Variants in ZEB2 observed in about 807,000 individuals in gnomAD.
ZEB2 encodes zinc finger E-box binding homeobox 2, also known as zinc finger E-box-binding homeobox 2.
ZEB2 carries 6 observed loss-of-function variants against 99.9 expected under a neutral mutation model. That is an observed-to-expected ratio of 0.06 (90% confidence interval 0.03 to 0.12). The LOEUF (loss-of-function observed/expected upper bound fraction) is 0.12, where lower values mean the gene tolerates loss of function less well. Ranked by LOEUF, ZEB2 falls within the 10% of genes least tolerant of loss-of-function variation. The probability of loss-of-function intolerance (pLI) is 1.00; values close to 1 mark genes in which losing one functional copy is unlikely to be tolerated. For missense variants in ZEB2, 969 were observed against 1,502.8 expected, an observed-to-expected ratio of 0.64 and a Z score of 5.87; for synonymous variants, 517 against 542.5, an observed-to-expected ratio of 0.95 and a Z score of 0.65.
chr2:144,509,840 A>G (rs1705005687), intron 2 of ZEB2, among the ~76,000 whole-genome samples: 1 of 152,180 alleles, frequency 6.6e-6, no homozygotes, highest in African/African-American at 2.4e-5. Context: ...CATGTTGAAA[A>G]TGGTGGCAAA....
intron 2 of ZEB2, among the ~76,000 whole-genome samples, chr2:144,515,640 A>G (rs999290752): frequency 1.3e-5 from 2 of 152,042 alleles, no homozygotes; most frequent in African/African-American, 4.8e-5. Flanking sequence ...AAGCCAAGCA[A>G]ATAGATCAAA....
intron 1 of ZEB2, chr2:144,519,722 G>T (rs1705234691): frequency 3.1e-6 from 1 of 322,106 alleles, no homozygotes; most frequent in Non-Finnish European, 6.0e-6. Flanking sequence ...GAAAAGCAAG[G>T]AGAGAGAGTG....
chr2:144,481,336 C>T (rs577663000), intron 2 of ZEB2, among the ~76,000 whole-genome samples: 1 of 152,292 alleles, frequency 6.6e-6, no homozygotes, highest in East Asian at 1.9e-4. Flanking sequence ...GCACATGGCC[C>T]GGGTGTGACT....
chr2:144,451,579 C>T (rs1704055362), intron 2 of ZEB2, among the ~76,000 whole-genome samples: 1 of 152,120 alleles, frequency 6.6e-6, no homozygotes, highest in African/African-American at 2.4e-5. Flanking sequence ...CATTTTAAAA[C>T]TTGGAAATCC....
At chr2:144,431,831 A>AG (rs1193744409) in intron 2 of ZEB2, among the ~76,000 whole-genome samples, 1 of 136,196 alleles carries the variant, frequency 7.3e-6, no homozygotes, top group Non-Finnish European at 1.6e-5. Flanking sequence ...TGCTGGGGGT[A>AG]GGGGGGAGTG....
chr2:144,412,688 T>C (rs1047077178), intron 4 of ZEB2, among the ~76,000 whole-genome samples: 3 of 152,232 alleles, frequency 2.0e-5, no homozygotes, highest in African/African-American at 7.2e-5. Flanking sequence ...ATTCATAACA[T>C]GATTTTGGAG....
At chr2:144,459,307 C>T (rs911871705) in intron 2 of ZEB2, among the ~76,000 whole-genome samples, 6 of 152,066 alleles carry the variant, frequency 3.9e-5, no homozygotes, top group African/African-American at 1.4e-4. Context: ...CAAAATGTCA[C>T]TTCTGTAGGA....
chr2:144,404,327 C>T (rs1394737150), intron 5 of ZEB2, among the ~76,000 whole-genome samples, 197 bp from the exon 6 acceptor site: 1 of 126,784 alleles, frequency 7.9e-6, no homozygotes, highest in Non-Finnish European at 1.5e-5. Flanking sequence ...TCAGCTCACA[C>T]TGTGCTCAAA....
At chr2:144,460,244 AAAT>A (rs1175595666) in intron 2 of ZEB2, among the ~76,000 whole-genome samples, 1 of 152,188 alleles carries the variant, frequency 6.6e-6, no homozygotes, top group Non-Finnish European at 1.5e-5. Flanking sequence ...GGGATTTAAG[AAAT>A]ATTATTCTTG....
chr2:144,394,842 A>T (rs1182805417), intron 9 of ZEB2, among the ~76,000 whole-genome samples: 2 of 152,164 alleles, frequency 1.3e-5, no homozygotes, highest in African/African-American at 4.8e-5. Context: ...GATGCTGGTC[A>T]CTTGAGCTGC....
chr2:144,407,942 A>C (rs1703410239), intron 4 of ZEB2, among the ~76,000 whole-genome samples: 1 of 152,236 alleles, frequency 6.6e-6, no homozygotes, highest in Non-Finnish European at 1.5e-5. Context: ...TTTCCATCAG[A>C]AATGTAATCA....
chr2:144,498,989 G>A (rs879759088), intron 2 of ZEB2, among the ~76,000 whole-genome samples: 19 of 152,148 alleles, frequency 1.2e-4, no homozygotes, highest in South Asian at 4.1e-4. Context: ...GAAAATGTCC[G>A]TATTACCACA....
intron 2 of ZEB2, chr2:144,464,014 T>C (rs1704236359): frequency 6.6e-6 from 1 of 152,020 alleles, no homozygotes; most frequent in Non-Finnish European, 1.5e-5. Context: ...AAAGAGGTCA[T>C]GGAGGTAATA....
intron 5 of ZEB2, 79 bp from the exon 6 acceptor site, chr2:144,404,209 G>C: frequency 2.0e-6 from 3 of 1,479,926 alleles, no homozygotes; most frequent in Non-Finnish European, 2.8e-6. Context: ...CTGACTGCCC[G>C]GGATGGTATG....
intron 2 of ZEB2, among the ~76,000 whole-genome samples, chr2:144,476,473 A>G (rs1370239984): frequency 2.0e-5 from 3 of 152,242 alleles, no homozygotes; most frequent in Non-Finnish European, 2.9e-5. Context: ...AGGACACTTA[A>G]GTGATGGTGG....
Position 144,386,507 on chromosome 2 carries a change from T to C in ZEB2, c.*2944A>G, listed in dbSNP as rs1387011445. 6.6e-6 allele frequency: 1 copy of C among 152,044 alleles called. No homozygotes were observed. The highest frequency in any genetic ancestry group is 1.9e-4 in the East Asian group (1 of 5,184). 9.4% of individuals were successfully genotyped at this position (152,044 alleles called of 1,614,324 possible). ...CCTATGAAATGGAGTTAGGAACAAA[T>C]GACAGAGAAGGGGGTAACAGGAGGG... On this transcript the variant is annotated 3_prime_UTR_variant, in exon 10 of 10. Transcript: ENST00000627532.
rs1244651246 is a variant in ZEB2, at chr2:144,398,364, A to G, written c.2823T>C (p.Thr941=). The G allele has an allele frequency of 3.7e-6, 6 of 1,614,014 alleles. No homozygotes were observed. Among genetic ancestry groups the G allele is most frequent in the Middle Eastern group, 3.3e-4 (2 of 6,056 alleles). Reference sequence around the variant, plus strand: ...GCATATCAGCAAAAGTAGCTGCTCCAGTTGGGTAGGTGTAGGCCATATGTG... The same window carrying G: ...GCATATCAGCAAAAGTAGCTGCTCCGGTTGGGTAGGTGTAGGCCATATGTG... ...FLPHMAYTYP[T]GAATFADMQQ... The change falls in exon 8 of 10, where the codon ACT becomes ACC. Residue 941 remains threonine (T), a synonymous_variant. Transcript: ENST00000627532.
intron 2 of ZEB2, among the ~76,000 whole-genome samples, chr2:144,472,655 C>T (rs1175334768): frequency 6.6e-6 from 1 of 152,040 alleles, no homozygotes; most frequent in Non-Finnish European, 1.5e-5. Context: ...AAGTTTTGAA[C>T]CTGGGCGTGC....
chr2:144,517,885 CTGGA>C, intron 1 of ZEB2: 1 of 518,432 alleles, frequency 1.9e-6, no homozygotes, highest in Admixed American at 3.2e-5. Context: ...GAAACAGCCC[CTGGA>C]TGAAGCACAC....
Sources: gnomAD v4.1 joint callset for allele counts (sites outside exome capture counted in the v4.1 genomes callset) on GRCh38, gnomAD v4.1.1 for gene constraint, MANE v1.5 for transcripts, NCBI Gene and HGNC (gene_info 2026-07-23, HGNC 2026-07-21) for gene names.